AKR1C8: variants seen among roughly 807,000 people sequenced by gnomAD.
AKR1C8 encodes the protein aldo-keto reductase family 1 member C8.
At chr10:5,170,854 G>A in the AKR1C8 span, among the ~76,000 whole-genome samples, 1 of 152,032 alleles carries the variant, frequency 6.6e-6, no homozygotes, top group Non-Finnish European at 1.5e-5. Context: ...TAACTATATT[G>A]CCATAACTTA....
chr10:5,149,948 C>T, the AKR1C8 span, among the ~76,000 whole-genome samples: 1 of 151,430 alleles, frequency 6.6e-6, no homozygotes, highest in Non-Finnish European at 1.5e-5. Context: ...ATAAAAACAG[C>T]TCAAAAGAAT....
At chr10:5,174,052 C>A in the AKR1C8 span, among the ~76,000 whole-genome samples, 1 of 151,934 alleles carries the variant, frequency 6.6e-6, no homozygotes, top group Non-Finnish European at 1.5e-5. Flanking sequence ...GGAACCTGAA[C>A]CCAAAGAATT....
the AKR1C8 span, among the ~76,000 whole-genome samples, chr10:5,139,388 G>T: frequency 1.0e-3 from 153 of 152,088 alleles, 1 homozygote; most frequent in African/African-American, 3.3e-3. Context: ...TTATGCTACC[G>T]GACTTCAAAC....
At chr10:5,143,748 T>A in the AKR1C8 span, among the ~76,000 whole-genome samples, 1 of 148,324 alleles carries the variant, frequency 6.7e-6, no homozygotes, top group Non-Finnish European at 1.5e-5. Flanking sequence ...TATATTTATA[T>A]CTATATATAT....
chr10:5,128,181 A>G, the AKR1C8 span, among the ~76,000 whole-genome samples: 1 of 152,178 alleles, frequency 6.6e-6, no homozygotes, highest in African/African-American at 2.4e-5. Flanking sequence ...CAGCAAAACT[A>G]TATTTCATAA....
the AKR1C8 span, among the ~76,000 whole-genome samples, chr10:5,170,361 A>G: frequency 2.0e-5 from 3 of 152,114 alleles, no homozygotes; most frequent in African/African-American, 7.2e-5. Flanking sequence ...TCCCATTTTT[A>G]TTAAAAGACA....
At chr10:5,146,330 T>TA in the AKR1C8 span, among the ~76,000 whole-genome samples, 1 of 151,984 alleles carries the variant, frequency 6.6e-6, no homozygotes, top group Non-Finnish European at 1.5e-5. Context: ...ACATGTACCC[T>TA]AAAACTTAAA....
At chr10:5,184,466 A>C in the AKR1C8 span, among the ~76,000 whole-genome samples, 7 of 152,210 alleles carry the variant, frequency 4.6e-5, no homozygotes, top group Non-Finnish European at 1.0e-4. Flanking sequence ...TGGATGGTTG[A>C]AACTCTCTGG....
At chr10:5,174,823 T>C in the AKR1C8 span, among the ~76,000 whole-genome samples, 11 of 151,774 alleles carry the variant, frequency 7.2e-5, no homozygotes, top group African/African-American at 2.7e-4. Flanking sequence ...TTAAATAAAA[T>C]AAAATAAAAA....
chr10:5,124,781 A>G, the AKR1C8 span, among the ~76,000 whole-genome samples: 1 of 152,180 alleles, frequency 6.6e-6, no homozygotes, highest in Non-Finnish European at 1.5e-5. Context: ...ATCTCTATGA[A>G]GATTAGATCT....
At chr10:5,173,880 AC>A in the AKR1C8 span, among the ~76,000 whole-genome samples, 2 of 152,122 alleles carry the variant, frequency 1.3e-5, no homozygotes, top group African/African-American at 4.8e-5. Context: ...TTCTCAGTCA[AC>A]TAAATTACTT....
chr10:5,150,735 T>C, the AKR1C8 span, among the ~76,000 whole-genome samples: 1 of 151,934 alleles, frequency 6.6e-6, no homozygotes, highest in Non-Finnish European at 1.5e-5. Flanking sequence ...AGCCACATAA[T>C]AATGCAAAGA....
chr10:5,162,856 G>C, the AKR1C8 span: 1 of 533,092 alleles, frequency 1.9e-6, no homozygotes, highest in Non-Finnish European at 3.9e-6. Context: ...CTTTCACCTT[G>C]ATGGTGTAGA....
the AKR1C8 span, among the ~76,000 whole-genome samples, chr10:5,147,514 T>A: frequency 1.3e-5 from 2 of 151,846 alleles, no homozygotes; most frequent in Non-Finnish European, 2.9e-5. Flanking sequence ...AAACATTCCT[T>A]TTCCAGAAGG....
chr10:5,157,395 G>C, the AKR1C8 span, among the ~76,000 whole-genome samples: 1 of 152,174 alleles, frequency 6.6e-6, no homozygotes, highest in African/African-American at 2.4e-5. Context: ...ATGAAAATAA[G>C]TGAGTTGAAA....
the AKR1C8 span, among the ~76,000 whole-genome samples, chr10:5,177,584 A>G: frequency 6.6e-6 from 1 of 152,182 alleles, no homozygotes; most frequent in African/African-American, 2.4e-5. Context: ...CTGTGGTAGA[A>G]TTCGGCTGTG....
chr10:5,144,349 C>T, the AKR1C8 span, among the ~76,000 whole-genome samples: 246 of 151,754 alleles, frequency 1.6e-3, 1 homozygote, highest in African/African-American at 5.3e-3. Context: ...ATTGACTTGG[C>T]GATGCGGGCT....
At chr10:5,145,102 G>A in the AKR1C8 span, among the ~76,000 whole-genome samples, 4 of 151,896 alleles carry the variant, frequency 2.6e-5, no homozygotes, top group African/African-American at 9.7e-5. Context: ...TTTTGTCAAA[G>A]GCCTTTTCTG....
chr10:5,136,054 C>T, the AKR1C8 span, among the ~76,000 whole-genome samples: 1 of 152,036 alleles, frequency 6.6e-6, no homozygotes, highest in Non-Finnish European at 1.5e-5. Context: ...GGAAACAGTG[C>T]CTTATAGTAT....
Sources: allele counts gnomAD v4.1 joint callset (sites outside exome capture counted in the v4.1 genomes callset), GRCh38; gene constraint gnomAD v4.1.1; transcripts MANE v1.5; gene names NCBI Gene and HGNC (gene_info 2026-07-23, HGNC 2026-07-21).